Variants in ECE1 observed in about 807,000 individuals in gnomAD.
The protein encoded by ECE1 is endothelin converting enzyme 1, also known as endothelin-converting enzyme 1.
Under a neutral mutation model 98.6 loss-of-function variants are expected in ECE1, and 35 were observed. The ratio of observed to expected loss-of-function variants is 0.35; its 90% CI spans 0.27 to 0.47. The LOEUF (loss-of-function observed/expected upper bound fraction) is 0.47. Among genes scored for constraint, ECE1 ranks in the 20% least tolerant of loss-of-function variants. The probability of loss-of-function intolerance (pLI) is 1.00; values close to 1 mark genes in which losing one functional copy is unlikely to be tolerated. For missense variants in ECE1, 814 were observed against 1,025.3 expected, an observed-to-expected ratio of 0.79 and a Z score of 2.81; for synonymous variants, 394 against 407.1, an observed-to-expected ratio of 0.97 and a Z score of 0.39.
intron 4 of ECE1, among the ~76,000 whole-genome samples, chr1:21,271,225 G>C (rs1163002376): frequency 6.6e-6 from 1 of 152,196 alleles, no homozygotes; most frequent in Non-Finnish European, 1.5e-5. Flanking sequence ...CCAGGAGAAA[G>C]GGTGGGTGTG....
intron 14 of ECE1, among the ~76,000 whole-genome samples, chr1:21,228,628 A>C (rs2098177558): frequency 1.3e-5 from 2 of 151,244 alleles, no homozygotes; most frequent in African/African-American, 2.4e-5. Context: ...TCTACCAAAA[A>C]TACAAAAAAA....
intron 1 of ECE1, among the ~76,000 whole-genome samples, chr1:21,317,087 C>T (rs576034782): frequency 1.3e-5 from 2 of 152,202 alleles, no homozygotes; most frequent in East Asian, 1.9e-4. Flanking sequence ...GGGGATTCAA[C>T]TGCATTTGGG....
intron 2 of ECE1, among the ~76,000 whole-genome samples, chr1:21,283,821 T>C (rs769693912): frequency 1.3e-5 from 2 of 152,238 alleles, no homozygotes; most frequent in Non-Finnish European, 2.9e-5. Flanking sequence ...TAAAAATTCA[T>C]AGTTCCAGGC....
In ECE1 at chr1:21,235,924, C is replaced by A; in HGVS notation, c.1492G>T (p.Asp498Tyr). Reference protein sequence around the residue: ...ETRKSAKEKADAIYNMIGYPN... With the variant: ...ETRKSAKEKAYAIYNMIGYPN... The stretch of plus-strand genomic sequence containing the variant: ...TATCCTATCATGTTGTAGATGGCAT[C>A]GGCCTGGACAGGACAGACAGAGGAA... Residue 498 changes from aspartate (D) to tyrosine (Y), a missense_variant, in exon 13 of 19, where the codon GAT (aspartate) becomes TAT (tyrosine). By Grantham distance (160) the Asp-to-Tyr change is radical. Around this residue, in one of 3 missense-constraint regions of ECE1, gnomAD observed 452 missense variants for 567.3 expected, o/e 0.80. Transcript: ENST00000374893. This position sits in a 1 kb window ranked among gnomAD's most constrained non-coding sequence, Gnocchi z 4.2. 1 of 1,614,142 alleles carries A rather than the reference C, an allele frequency of 6.2e-7. No individual in the cohort carries two copies. The highest frequency in any genetic ancestry group is 8.5e-7 in the Non-Finnish European group (1 of 1,179,974).
chr1:21,254,526 A>G (rs1300523052), intron 8 of ECE1, among the ~76,000 whole-genome samples: 2 of 152,042 alleles, frequency 1.3e-5, no homozygotes, highest in Non-Finnish European at 2.9e-5. Flanking sequence ...CCTGGGGGGA[A>G]CCTGGTGGCC....
intron 2 of ECE1, among the ~76,000 whole-genome samples, chr1:21,282,244 T>A (rs2098255443): frequency 6.6e-6 from 1 of 151,354 alleles, no homozygotes. Context: ...AAGCCATGAT[T>A]GTGCCCCTGC....
At chr1:21,265,347 C>A (rs753987049) in intron 4 of ECE1, among the ~76,000 whole-genome samples, 1 of 152,132 alleles carries the variant, frequency 6.6e-6, no homozygotes, top group Non-Finnish European at 1.5e-5. Flanking sequence ...GCCTGGCCAA[C>A]CTGGTGAAAC....
chr1:21,291,792 A>ACT (rs1284173616), upstream of ECE1, among the ~76,000 whole-genome samples: 4 of 151,970 alleles, frequency 2.6e-5, no homozygotes, highest in South Asian at 6.2e-4. Flanking sequence ...GTGCCACTGT[A>ACT]CTCTAGCCTG....
intron 1 of ECE1, among the ~76,000 whole-genome samples, chr1:21,326,663 C>T (rs189443772): frequency 8.5e-5 from 13 of 152,080 alleles, no homozygotes; most frequent in Admixed American, 3.3e-4. Flanking sequence ...GGAGGTGGGG[C>T]GAGGCCTGCA....
At chr1:21,264,223 C>T (rs1244090018) in intron 4 of ECE1, among the ~76,000 whole-genome samples, 1 of 152,008 alleles carries the variant, frequency 6.6e-6, no homozygotes, top group Non-Finnish European at 1.5e-5. Flanking sequence ...CTATGAGACA[C>T]CCAAGGGGAG....
At chr1:21,325,083 G>A (rs1280239675) in intron 1 of ECE1, among the ~76,000 whole-genome samples, 1 of 152,196 alleles carries the variant, frequency 6.6e-6, no homozygotes, top group Non-Finnish European at 1.5e-5. Context: ...ATAGAGGGGG[G>A]TTGAGACTGG....
intron 17 of ECE1, among the ~76,000 whole-genome samples, chr1:21,223,576 C>T (rs1396296096): frequency 6.6e-6 from 1 of 152,234 alleles, no homozygotes; most frequent in Non-Finnish European, 1.5e-5. Context: ...AAGCAATTCC[C>T]TGCCTCGGCC....
rs2098164358 is a variant in ECE1 at position 21,219,195 on chromosome 1, T to C, written c.*760A>G. On this transcript the variant is annotated 3_prime_UTR_variant, in exon 19 of 19. Coordinates refer to ENST00000374893, the MANE Select transcript of ECE1 (RefSeq NM_001397.3). This position sits in a 1 kb window ranked among gnomAD's most constrained non-coding sequence, Gnocchi z 4.5. The stretch of plus-strand genomic sequence containing the variant: ...CTGCTGTGGCTTTGGGGATCAGAAC[T>C]TCCCAGCTAGGGCTCCCACTGTTGG... 2 of 152,538 alleles carry C rather than the reference T, an allele frequency of 1.3e-5. No individual in the cohort carries two copies. 9.4% of individuals were successfully genotyped at this position (152,538 alleles called of 1,614,324 possible).
chr1:21,286,756 C>G (rs2098260936), intron 2 of ECE1, among the ~76,000 whole-genome samples: 1 of 151,848 alleles, frequency 6.6e-6, no homozygotes, highest in African/African-American at 2.4e-5. Context: ...AAAACCCCAT[C>G]TCTACTAAAA....
upstream of ECE1, chr1:21,293,966 C>G (rs774271470): frequency 6.6e-6 from 1 of 152,570 alleles, no homozygotes; most frequent in Non-Finnish European, 1.5e-5. Flanking sequence ...TCATCACCTC[C>G]GCTTTACAAA....
intron 2 of ECE1, among the ~76,000 whole-genome samples, chr1:21,281,867 T>C (rs556471290): frequency 6.6e-6 from 1 of 152,314 alleles, no homozygotes; most frequent in South Asian, 2.1e-4. Flanking sequence ...CGGCTAATTT[T>C]TGTATTTTTA....
intron 8 of ECE1, among the ~76,000 whole-genome samples, chr1:21,250,833 C>T (rs1367031126): frequency 6.6e-6 from 1 of 152,106 alleles, no homozygotes; most frequent in Non-Finnish European, 1.5e-5. Flanking sequence ...GGGTGAAACC[C>T]CATCTCTACT....
chr1:21,333,251 C>G (rs1309677662), intron 1 of ECE1, among the ~76,000 whole-genome samples: 3 of 143,636 alleles, frequency 2.1e-5, no homozygotes, highest in Non-Finnish European at 4.6e-5. Context: ...GTTTTTCACC[C>G]GGGACCTGCA....
At chr1:21,330,093 C>T (rs1164749807) in intron 1 of ECE1, among the ~76,000 whole-genome samples, 1 of 149,706 alleles carries the variant, frequency 6.7e-6, no homozygotes, top group East Asian at 2.0e-4. Flanking sequence ...GACCAAGTTA[C>T]TGGGCCTTTA....
Sources: gnomAD v4.1 joint callset for allele counts (sites outside exome capture counted in the v4.1 genomes callset) on GRCh38, gnomAD v4.1.1 for gene constraint, gnomAD v4.1.1 regional missense constraint, Gnocchi (gnomAD v3.1) non-coding constraint, MANE v1.5 for transcripts, NCBI Gene and HGNC (gene_info 2026-07-23, HGNC 2026-07-21) for gene names.